The following TAAR5 variants were observed in gnomAD, a reference collection of about 807,000 sequenced individuals.
TAAR5 encodes the protein trace amine associated receptor 5.
In TAAR5, 27 loss-of-function variants were observed where a neutral mutation model predicts 21.1. That is an observed-to-expected ratio of 1.28 (90% CI 0.94 to 1.76). The LOEUF is 1.76. Ranked by LOEUF, TAAR5 falls within the 40% of genes most tolerant of loss-of-function variation. The probability of loss-of-function intolerance (pLI) is 0.00; values close to 1 mark genes in which losing one functional copy is unlikely to be tolerated. For missense variants in TAAR5, 495 were observed against 405.6 expected (o/e 1.22, Z -1.89); for synonymous variants, 203 against 167.5 (o/e 1.21, Z -1.64).
the TAAR5 span, among the ~76,000 whole-genome samples, chr6:132,615,757 A>C: frequency 3.9e-5 from 6 of 152,112 alleles, no homozygotes; most frequent in Admixed American, 1.3e-4. Flanking sequence ...ATTTACTTTC[A>C]TAACCACACC....
At chr6:132,604,957 G>A in the TAAR5 span, among the ~76,000 whole-genome samples, 1 of 152,214 alleles carries the variant, frequency 6.6e-6, no homozygotes, top group Non-Finnish European at 1.5e-5. Context: ...TGACTGCATG[G>A]AGAGGGACTC....
At chr6:132,602,086 T>C in the TAAR5 span, among the ~76,000 whole-genome samples, 8 of 152,164 alleles carry the variant, frequency 5.3e-5, no homozygotes. Context: ...AAATTCTATT[T>C]AATTTAACTT....
the TAAR5 span, among the ~76,000 whole-genome samples, chr6:132,613,060 T>G: frequency 6.6e-6 from 1 of 152,178 alleles, no homozygotes; most frequent in Admixed American, 6.6e-5. Flanking sequence ...CAACTTCCTA[T>G]ACACATAAGG....
upstream of TAAR5, among the ~76,000 whole-genome samples, chr6:132,593,111 G>T (rs1457011663): frequency 6.6e-6 from 1 of 152,146 alleles, no homozygotes; most frequent in African/African-American, 2.4e-5. Flanking sequence ...CACTTCCCCA[G>T]CTTTCCCTTG....
chr6:132,604,611 T>G, the TAAR5 span, among the ~76,000 whole-genome samples: 1 of 151,264 alleles, frequency 6.6e-6, no homozygotes, highest in Non-Finnish European at 1.5e-5. Flanking sequence ...TTCAGAGGAG[T>G]GTGCAGCTGA....
At chr6:132,590,558 T>C (rs1776891290), upstream of TAAR5, among the ~76,000 whole-genome samples, 1 of 152,226 alleles carries the variant, frequency 6.6e-6, no homozygotes, top group Non-Finnish European at 1.5e-5. Flanking sequence ...ACACAGGGAA[T>C]GTCAGAGTAC....
chr6:132,610,206 T>C, the TAAR5 span, among the ~76,000 whole-genome samples: 1 of 152,168 alleles, frequency 6.6e-6, no homozygotes, highest in Non-Finnish European at 1.5e-5. Context: ...TGCTTTGCTA[T>C]TTGCTTCGGA....
the TAAR5 span, among the ~76,000 whole-genome samples, chr6:132,598,037 T>G: frequency 6.6e-6 from 1 of 152,152 alleles, no homozygotes; most frequent in African/African-American, 2.4e-5. Flanking sequence ...AGTTCAGCAA[T>G]GCATTGTAAA....
At chr6:132,607,786 G>A in the TAAR5 span, among the ~76,000 whole-genome samples, 505 of 152,268 alleles carry the variant, frequency 3.3e-3, no homozygotes, top group Non-Finnish European at 5.7e-3. Context: ...AAGGCAGGCC[G>A]CTAGTTGTTA....
chr6:132,605,628 A>G, the TAAR5 span, among the ~76,000 whole-genome samples: 1 of 152,132 alleles, frequency 6.6e-6, no homozygotes, highest in African/African-American at 2.4e-5. Context: ...ACACATACAC[A>G]CACAAACATA....
chr6:132,602,213 G>A, the TAAR5 span, among the ~76,000 whole-genome samples: 23 of 152,094 alleles, frequency 1.5e-4, no homozygotes, highest in Admixed American at 9.8e-4. Flanking sequence ...GGGGAAGATG[G>A]TTTTGGGATG....
At chr6:132,591,248 G>A (rs4487610), upstream of TAAR5, among the ~76,000 whole-genome samples, 22,503 of 152,084 alleles carry the variant, frequency 0.15, 2,136 homozygotes, top group South Asian at 0.33. Context: ...TCTGCTCTCT[G>A]CCTCTTGATA....
At chr6:132,612,968 A>G in the TAAR5 span, among the ~76,000 whole-genome samples, 32,335 of 152,122 alleles carry the variant, frequency 0.21, 8,067 homozygotes, top group African/African-American at 0.6. Flanking sequence ...TGGGTCTTAC[A>G]TATAAGTAAC....
chr6:132,606,650 A>G, the TAAR5 span, among the ~76,000 whole-genome samples: 1 of 152,186 alleles, frequency 6.6e-6, no homozygotes, highest in Non-Finnish European at 1.5e-5. Flanking sequence ...TTTATTAGGC[A>G]CATTTACTTT....
chr6:132,595,669 T>A, the TAAR5 span, among the ~76,000 whole-genome samples: 1 of 152,132 alleles, frequency 6.6e-6, no homozygotes, highest in East Asian at 1.9e-4. Context: ...AAAACACAGA[T>A]TCTGATTCTA....
upstream of TAAR5, among the ~76,000 whole-genome samples, chr6:132,590,792 T>A (rs904741857): frequency 6.6e-6 from 1 of 152,210 alleles, no homozygotes; most frequent in African/African-American, 2.4e-5. Flanking sequence ...TGGATGTATA[T>A]ATTCTTTTTT....
upstream of TAAR5, among the ~76,000 whole-genome samples, chr6:132,593,300 T>A (rs907863757): frequency 6.6e-6 from 1 of 152,228 alleles, no homozygotes; most frequent in Admixed American, 6.5e-5. Context: ...TGAGTGGCTA[T>A]GGTCCCTCCT....
chr6:132,596,604 A>G, the TAAR5 span, among the ~76,000 whole-genome samples: 71,918 of 152,086 alleles, frequency 0.47, 17,505 homozygotes, highest in African/African-American at 0.58. Flanking sequence ...TGTTAACATT[A>G]TGACATGTTT....
At chr6:132,608,639 C>T in the TAAR5 span, 2 of 455,968 alleles carry the variant, frequency 4.4e-6, no homozygotes, top group Admixed American at 2.4e-5. Flanking sequence ...TAAATACCAA[C>T]CATGATGGAG....
Sources: gnomAD v4.1 joint callset for allele counts (sites outside exome capture counted in the v4.1 genomes callset) on GRCh38, gnomAD v4.1.1 for gene constraint, MANE v1.5 for transcripts, NCBI Gene and HGNC (gene_info 2026-07-23, HGNC 2026-07-21) for gene names.